The following TMPRSS6 variants were observed in gnomAD, a reference collection of about 807,000 sequenced individuals.
TMPRSS6 encodes the protein transmembrane protease serine 6.
In TMPRSS6, 67 loss-of-function variants were observed where a neutral mutation model predicts 101.5. The observed-to-expected ratio is 0.66, with a 90% CI of 0.54 to 0.81. The LOEUF is 0.81. TMPRSS6 is among the 30% of genes least tolerant of loss of function. The pLI, the probability that TMPRSS6 is intolerant of heterozygous loss-of-function variation, is 0.00. For synonymous variants in TMPRSS6, 453 were observed against 464.9 expected, an observed-to-expected ratio of 0.97 and a Z score of 0.33; for missense variants, 1,034 against 1,088.7, an observed-to-expected ratio of 0.95 and a Z score of 0.71.
rs1251097610 is a variant in TMPRSS6 at position 37,066,197 on chromosome 22, G to A, written c.2292C>T (p.Gly764=). The change falls in exon 18 of 18, where the codon GGC becomes GGT. Residue 764 remains glycine, a synonymous_variant. Transcript: ENST00000676104. ...GGPLVCKALS[G]RWFLAGLVSW... ...TGACCAGCCCCGCCAGGAACCAGCG[G>A]CCACTGAGTGCCTTGCACACCAGCG... is the stretch of plus-strand genomic sequence containing the variant. 12 of 1,613,014 alleles carry A rather than the reference G, an allele frequency of 7.4e-6. No individual in the cohort carries two copies. The highest frequency in any genetic ancestry group is 2.2e-5 in the South Asian group (2 of 91,068).
rs754194559 is a variant in TMPRSS6, at chr22:37,086,368, C to A, written c.888G>T (p.Gly296=). 1.2e-6 allele frequency: 2 copies of A among 1,611,554 alleles called. No individual in the cohort carries two copies. Among genetic ancestry groups the A allele is most frequent in the Non-Finnish European group, 8.5e-7 (1 of 1,178,946 alleles). The change falls in exon 8 of 18, where the codon GGG becomes GGT. Residue 296 remains glycine (G), a synonymous_variant. Coordinates refer to ENST00000676104, the MANE Select transcript of TMPRSS6 (RefSeq NM_001374504.1). ...TCTTCCAGACGACCGCCATGATGGC[C>A]CCCGACGCCAGAACCTCCACCACGG... ...QEPVVEVLAS[G]AIMAVVWKKG...
rs1930021060 is a variant in TMPRSS6 at position 37,098,475 on chromosome 22, C to T, written c.277G>A (p.Asp93Asn). The change falls in exon 3 of 18, where the codon GAT becomes AAT. Residue 93 changes from aspartate (D) to asparagine (N), a missense_variant. Asp to Asn is a conservative substitution (Grantham distance 23, BLOSUM62 1). Transcript: ENST00000676104. ...GCACTAGATTCCCGGCGGGTAAGAT[C>T]CTGGGAGAAGTGGCGATTGAGTACA... is the stretch of plus-strand genomic sequence containing the variant. Reference protein sequence around the residue: ...LRVLNRHFSQDLTRRESSAFR... With the variant: ...LRVLNRHFSQNLTRRESSAFR... 6.2e-7 allele frequency: 1 copy of T among 1,614,038 alleles called. No homozygotes were observed. Among genetic ancestry groups the T allele is most frequent in the Non-Finnish European group, 8.5e-7 (1 of 1,180,010 alleles).
rs1465628357 is a variant in TMPRSS6, at chr22:37,070,474, T to C, written c.1841+10A>G. On this transcript the variant is annotated intron_variant, in intron 15 of 17. Transcript: ENST00000676104. The stretch of plus-strand genomic sequence containing the variant: ...TCTTACTGCCTAGGCCCCCACACCC[T>C]CCCGCTCACCTGTCCTCCTGGAAGC... 1.4e-5 allele frequency: 22 copies of C among 1,613,018 alleles called. No homozygotes were observed. The highest frequency in any genetic ancestry group is 1.9e-5 in the Non-Finnish European group (22 of 1,179,842).
chr22:37,068,516 C>T lies in TMPRSS6; in HGVS notation c.2113+557G>A, dbSNP rs1926546063. The T allele has an allele frequency of 6.7e-6, 5 of 750,766 alleles. No individual in the cohort carries two copies. The South Asian group carries it at 7.1e-5, about 11-fold the overall frequency. The allele number at this position is 750,766 out of a possible 1,614,324, so 46.5% of individuals were successfully genotyped here. On this transcript the variant is annotated intron_variant, in intron 16 of 17. Coordinates refer to ENST00000676104, the MANE Select transcript of TMPRSS6 (RefSeq NM_001374504.1). ...TCAGTGAACGTAGAAAGGGGAGAGA[C>T]CCTGTTTCTGAGAGCAGTAGCAGGA...
chr22:37,070,534 G>C lies in TMPRSS6; in HGVS notation c.1791C>G (p.Leu597=). The C allele has an allele frequency of 6.2e-7, 1 of 1,613,444 alleles. No individual in the cohort carries two copies. Among genetic ancestry groups the C allele is most frequent in the South Asian group, 1.1e-5 (1 of 91,088 alleles). The part of the protein sequence containing the change: ...VRGRHICGGA[L]IADRWVITAA... The stretch of plus-strand genomic sequence containing the variant: ...CTGTTATCACCCAGCGGTCAGCGAT[G>C]AGGGCCCCCCCACAGATGTGTCGAC... Residue 597 remains leucine (L), a synonymous_variant, in exon 15 of 18, where the codon CTC becomes CTG. Transcript: ENST00000676104.
chr22:37,086,198 A>G, intron 8 of TMPRSS6, 85 bp downstream of exon 8: 4 of 1,583,312 alleles, frequency 2.5e-6, no homozygotes, highest in Non-Finnish European at 3.5e-6. Flanking sequence ...CAATTTGGGC[A>G]AAAAAGGTGA....
Position 37,069,123 on chromosome 22 carries a change from T to C in TMPRSS6, c.2063A>G (p.Glu688Gly). The change falls in exon 16 of 18, where the codon GAG (glutamate) becomes GGG (glycine). Residue 688 changes from glutamate (E) to glycine (G), a missense_variant. Physicochemically the swap from Glu to Gly is moderately conservative, Grantham distance 98. Transcript: ENST00000676104. This position sits in a 1 kb window ranked among gnomAD's most constrained non-coding sequence, Gnocchi z 4.8. The part of the protein sequence containing the change: ...VCLPARSHFF[E>G]PGLHCWITGW... ...CGTAATCCAGCAGTGCAGGCCGGGC[T>C]CGAAGAAGTGGGAGCGCGCGGGCAG... 2 of 1,564,070 alleles carry C rather than the reference T, an allele frequency of 1.3e-6. No individual in the cohort carries two copies. Among genetic ancestry groups the C allele is most frequent in the African/African-American group, 2.7e-5 (2 of 73,760 alleles).
chr22:37,098,095 G>C lies in TMPRSS6; in HGVS notation c.336+321C>G, dbSNP rs112363051. 5.2e-3 allele frequency among the ~76,000 whole-genome samples: 610 copies of C among 116,642 alleles called. 2 individuals are homozygous for C. Among genetic ancestry groups the C allele is most frequent in the African/African-American group, 0.016 (515 of 32,110 alleles). 76.5% of individuals were successfully genotyped at this position (116,642 alleles called of 152,430 possible). ...GGGCCACCGTCCTGTAACGGAGGGG[G>C]AGGAGCGGGCCACCGTCCTGTAACG... On this transcript the variant is annotated intron_variant, in intron 3 of 17. Coordinates refer to ENST00000676104, the MANE Select transcript of TMPRSS6 (RefSeq NM_001374504.1).
Position 37,109,496 on chromosome 22 carries a change from C to T in TMPRSS6, c.-2+7G>A, listed in dbSNP as rs572101671. Reference sequence around the variant, plus strand: ...CCCGGTCCCCTGTCCTGGAGGCCCCCGCTTACCTTTGGGAGCGGCAGATAG... The same window carrying T: ...CCCGGTCCCCTGTCCTGGAGGCCCCTGCTTACCTTTGGGAGCGGCAGATAG... On this transcript the variant is annotated splice_region_variant and intron_variant, in intron 1 of 17. Coordinates refer to ENST00000676104, the MANE Select transcript of TMPRSS6 (RefSeq NM_001374504.1). The T allele has an allele frequency of 3.3e-5, 5 of 152,600 alleles. No homozygotes were observed. Among genetic ancestry groups the T allele is most frequent in the African/African-American group, 7.2e-5 (3 of 41,592 alleles). 9.5% of individuals were successfully genotyped at this position (152,600 alleles called of 1,614,324 possible).
intron 7 of TMPRSS6, among the ~76,000 whole-genome samples, chr22:37,087,508 T>C (rs1438807794): frequency 6.6e-6 from 1 of 152,110 alleles, no homozygotes; most frequent in Admixed American, 6.5e-5. Context: ...AGGGTCTTGG[T>C]GCCCAGGGTC....
chr22:37,070,304 G>C (rs1926761046), intron 15 of TMPRSS6, among the ~76,000 whole-genome samples, 180 bp downstream of exon 15: 1 of 152,194 alleles, frequency 6.6e-6, no homozygotes, highest in African/African-American at 2.4e-5. Context: ...GTGGAACAAT[G>C]TGTCCGGGGA....
At chr22:37,095,413 C>A in intron 6 of TMPRSS6, 138 bp downstream of exon 6, 1 of 1,087,290 alleles carries the variant, frequency 9.2e-7, no homozygotes, top group South Asian at 1.4e-5. Flanking sequence ...CTGAGTCCAC[C>A]ATGGCATCCC....
At chr22:37,085,522 C>G (rs959318456) in intron 8 of TMPRSS6, among the ~76,000 whole-genome samples, 3 of 152,212 alleles carry the variant, frequency 2.0e-5, no homozygotes, top group African/African-American at 7.2e-5. Context: ...GAGGCAGAAG[C>G]AGCTGCCAAC....
chr22:37,068,550 G>A (rs1926547771), intron 16 of TMPRSS6: 1 of 776,896 alleles, frequency 1.3e-6, no homozygotes, highest in Non-Finnish European at 2.4e-6. Flanking sequence ...GAAGAGCAGG[G>A]GCTCTGGAGG....
At chr22:37,068,681 G>C in intron 16 of TMPRSS6, 1 of 779,714 alleles carries the variant, frequency 1.3e-6, no homozygotes, top group Non-Finnish European at 2.4e-6. Context: ...CGCCCGTAGG[G>C]CTGTTGGGTG....
At chr22:37,073,492 CT>C in intron 13 of TMPRSS6, 39 bp downstream of exon 13, 1 of 1,444,070 alleles carries the variant, frequency 6.9e-7, no homozygotes. Flanking sequence ...CCTAGACTGC[CT>C]TTGGTGTCCC....
Position 37,098,540 on chromosome 22 carries a change from G to T in TMPRSS6, c.212C>A (p.Ala71Glu), listed in dbSNP as rs139563689. 3.1e-6 allele frequency: 5 copies of T among 1,614,092 alleles called. No individual in the cohort carries two copies. The East Asian group carries it at 1.1e-4, about 36-fold the overall frequency. The change falls in exon 3 of 18, where the codon GCG (alanine) becomes GAG (glutamate). Residue 71 changes from alanine to glutamate, a missense_variant. By Grantham distance (107) the Ala-to-Glu change is moderately radical. Coordinates refer to ENST00000676104, the MANE Select transcript of TMPRSS6 (RefSeq NM_001374504.1). Reference protein sequence around the residue: ...VLLWYFLGYKAEVMVSQVYSG... With the variant: ...VLLWYFLGYKEEVMVSQVYSG... ...GTACACCTGGCTGACCATCACCTCC[G>T]CCTTGTACCCTGCCCAGGAAGGAAC...
chr22:37,094,628 A>G (rs1222961577), intron 6 of TMPRSS6, among the ~76,000 whole-genome samples: 1 of 152,202 alleles, frequency 6.6e-6, no homozygotes, highest in East Asian at 1.9e-4. Context: ...TTAATCAGCC[A>G]AATAAATATT....
Position 37,101,811 on chromosome 22 carries a change from C to T in TMPRSS6, c.202+1405G>A, listed in dbSNP as rs74408154. The stretch of plus-strand genomic sequence containing the variant: ...ATTGGCAGGTGAGTTCCTGGCCCTC[C>T]AGCCCAGTGCCCCGTGGTTTACCCT... On this transcript the variant is annotated intron_variant, in intron 2 of 17. Transcript: ENST00000676104. The surrounding 1 kb of genome is among the most constrained non-coding windows in gnomAD (Gnocchi z 4.1). 0.022 allele frequency among the ~76,000 whole-genome samples: 3,284 copies of T among 152,256 alleles called. 98 individuals are homozygous for T. Among genetic ancestry groups the T allele is most frequent in the African/African-American group, 0.068 (2,833 of 41,522 alleles).
Sources: gnomAD v4.1 joint callset for allele counts (sites outside exome capture counted in the v4.1 genomes callset) on GRCh38, gnomAD v4.1.1 for gene constraint, Gnocchi (gnomAD v3.1) non-coding constraint, MANE v1.5 for transcripts, NCBI Gene and HGNC (gene_info 2026-07-23, HGNC 2026-07-21) for gene names.